The following CA10 variants were observed in gnomAD, a reference collection of about 807,000 sequenced individuals.
CA10 encodes the protein carbonic anhydrase 10 (inactive).
A neutral mutation model predicts 44.2 loss-of-function variants in CA10; 14 were observed. The ratio of observed to expected loss-of-function variants is 0.32; its 90% CI spans 0.21 to 0.50. CA10 has a LOEUF of 0.50. Among genes scored for constraint, CA10 ranks in the 20% least tolerant of loss-of-function variants. The probability of loss-of-function intolerance (pLI) is 0.99; values close to 1 mark genes in which losing one functional copy is unlikely to be tolerated. For synonymous variants in CA10, 159 were observed against 141.6 expected, an observed-to-expected ratio of 1.12 and a Z score of -0.87; for missense variants, 350 against 409.7, an observed-to-expected ratio of 0.85 and a Z score of 1.26.
intron 2 of CA10, among the ~76,000 whole-genome samples, chr17:51,981,645 T>C (rs1439731768): frequency 6.6e-6 from 1 of 152,204 alleles, no homozygotes; most frequent in South Asian, 2.1e-4. Context: ...CTATGGCATA[T>C]GCATTTCACT....
At chr17:52,042,691 CT>C in intron 2 of CA10, among the ~76,000 whole-genome samples, 1 of 152,028 alleles carries the variant, frequency 6.6e-6, no homozygotes, top group Non-Finnish European at 1.5e-5. Context: ...TATCAAGGAG[CT>C]TTCCCCCTAT....
chr17:52,147,488 A>G (rs563647660), intron 1 of CA10, among the ~76,000 whole-genome samples: 1 of 151,320 alleles, frequency 6.6e-6, no homozygotes, highest in Admixed American at 6.6e-5. Context: ...CTAAAAGCAG[A>G]TTTAAAAAAA....
intron 3 of CA10, among the ~76,000 whole-genome samples, chr17:51,865,472 G>A (rs1219188879): frequency 2.0e-5 from 3 of 152,198 alleles, no homozygotes; most frequent in Non-Finnish European, 4.4e-5. Flanking sequence ...AAGTTGAAAA[G>A]ACATTTATAG....
At chr17:52,054,151 C>T (rs1215493360) in intron 2 of CA10, among the ~76,000 whole-genome samples, 1 of 152,162 alleles carries the variant, frequency 6.6e-6, no homozygotes, top group Non-Finnish European at 1.5e-5. Flanking sequence ...TCTCTTCTTT[C>T]AAAAGCAAAT....
intron 4 of CA10, among the ~76,000 whole-genome samples, chr17:51,660,736 A>C (rs370896781): frequency 2.4e-4 from 36 of 152,242 alleles, no homozygotes; most frequent in African/African-American, 8.7e-4. Flanking sequence ...CTATCACCTT[A>C]CCCCTGCTTA....
At chr17:52,102,789 T>C (rs553808498) in intron 1 of CA10, among the ~76,000 whole-genome samples, 1 of 152,332 alleles carries the variant, frequency 6.6e-6, no homozygotes, top group East Asian at 1.9e-4. Context: ...AACAGTATTC[T>C]TCTCAAGAAT....
intron 3 of CA10, among the ~76,000 whole-genome samples, chr17:51,890,925 AG>A (rs1980828597): frequency 6.6e-6 from 1 of 152,158 alleles, no homozygotes; most frequent in Non-Finnish European, 1.5e-5. Context: ...CAGCCCGGAA[AG>A]AGTCTTATGA....
chr17:51,857,850 G>T (rs1308559771), intron 3 of CA10, among the ~76,000 whole-genome samples: 3 of 152,060 alleles, frequency 2.0e-5, no homozygotes, highest in Non-Finnish European at 4.4e-5. Context: ...AACCTCTCTG[G>T]TTCTGTGATA....
chr17:51,679,942 T>G (rs1312544235), intron 4 of CA10, among the ~76,000 whole-genome samples: 1 of 152,206 alleles, frequency 6.6e-6, no homozygotes, highest in East Asian at 1.9e-4. Flanking sequence ...AAATTCAACT[T>G]TCAGCATCTG....
At position 52,021,503 on chromosome 17, in the gene CA10, C is replaced by T. The variant is rs560894533; in HGVS notation, c.136+50816G>A. Among the ~76,000 whole-genome samples, 84 of 152,090 alleles carry T rather than the reference C, an allele frequency of 5.5e-4. 4 individuals carry two copies. The South Asian group carries it at 0.017, about 32-fold the overall frequency. ...TTTCTTTTTTTAATAGCCATTCTGA[C>T]TTGAGATGATATCTCATTGTAACTT... On this transcript the variant is annotated intron_variant, in intron 2 of 8. Coordinates refer to ENST00000451037, the MANE Select transcript of CA10 (RefSeq NM_020178.5).
intron 3 of CA10, among the ~76,000 whole-genome samples, chr17:51,765,732 T>TGTGTGTGTGTGC (rs1567832393): frequency 6.6e-6 from 1 of 150,416 alleles, no homozygotes; most frequent in Non-Finnish European, 1.5e-5. Flanking sequence ...TGTATGTGTG[T>TGTGTGTGTGTGC]GTGCATGCAT....
intron 2 of CA10, among the ~76,000 whole-genome samples, chr17:52,037,153 C>T (rs550159358): frequency 6.6e-6 from 1 of 152,098 alleles, no homozygotes; most frequent in Non-Finnish European, 1.5e-5. Context: ...ATGTCTGGAA[C>T]TCAAAAGAAA....
At chr17:51,840,478 T>TAC (rs3033576) in intron 3 of CA10, among the ~76,000 whole-genome samples, 3,533 of 146,684 alleles carry the variant, frequency 0.024, 79 homozygotes, top group East Asian at 0.088. Context: ...CAACCTTTAA[T>TAC]ACACACACAC....
chr17:52,009,908 A>G (rs1031921406), intron 2 of CA10, among the ~76,000 whole-genome samples: 1 of 152,026 alleles, frequency 6.6e-6, no homozygotes, highest in African/African-American at 2.4e-5. Context: ...AGCAAGAAAA[A>G]ATAAAGCAAT....
At chr17:52,111,672 C>T (rs1329491302) in intron 1 of CA10, among the ~76,000 whole-genome samples, 2 of 152,106 alleles carry the variant, frequency 1.3e-5, no homozygotes, top group Non-Finnish European at 2.9e-5. Context: ...CTGGGTTGGT[C>T]ATCAGTAGGA....
At chr17:52,135,082 C>G (rs779337215) in intron 1 of CA10, 1 of 435,652 alleles carries the variant, frequency 2.3e-6, no homozygotes, top group Non-Finnish European at 4.6e-6. Context: ...CCTAAGCCCC[C>G]CAACTGAATG....
At chr17:52,108,154 GTA>G (rs1156745501) in intron 1 of CA10, among the ~76,000 whole-genome samples, 2 of 142,492 alleles carry the variant, frequency 1.4e-5, no homozygotes, top group African/African-American at 5.1e-5. Flanking sequence ...AATATTAGGT[GTA>G]TATATATATT....
At chr17:51,816,623 A>G (rs1907572616) in intron 3 of CA10, among the ~76,000 whole-genome samples, 1 of 152,264 alleles carries the variant, frequency 6.6e-6, no homozygotes. Flanking sequence ...AATACAAATC[A>G]GAAATACTTA....
chr17:51,886,652 A>G (rs1980614201), intron 3 of CA10, among the ~76,000 whole-genome samples: 1 of 152,192 alleles, frequency 6.6e-6, no homozygotes, highest in African/African-American at 2.4e-5. Context: ...CAGGTAAAAC[A>G]TTATTTTTGG....
Sources: gnomAD v4.1 joint callset for allele counts (sites outside exome capture counted in the v4.1 genomes callset) on GRCh38, gnomAD v4.1.1 for gene constraint, MANE v1.5 for transcripts, NCBI Gene and HGNC (gene_info 2026-07-23, HGNC 2026-07-21) for gene names.